THUMPD2: variants seen among roughly 807,000 people sequenced by gnomAD.
THUMPD2 encodes U6 snRNA (guanine-N(2))-methyltransferase THUMPD2.
A neutral mutation model predicts 49.4 loss-of-function variants in THUMPD2; 56 were observed. The observed-to-expected ratio is 1.13, with a 90% confidence interval of 0.91 to 1.41. The LOEUF is 1.41. Ranked by LOEUF, THUMPD2 falls within the 40% of genes most tolerant of loss-of-function variation. THUMPD2 has a pLI of 0.00. For missense variants in THUMPD2, 709 were observed against 594.5 expected, an observed-to-expected ratio of 1.19 and a Z score of -2.00; for synonymous variants, 237 against 205.2, an observed-to-expected ratio of 1.15 and a Z score of -1.32.
intron 3 of THUMPD2, chr2:39,768,895 A>T (rs1371725633): frequency 7.7e-7 from 1 of 1,299,536 alleles, no homozygotes; most frequent in Non-Finnish European, 1.0e-6. Flanking sequence ...GTATCATTAG[A>T]CTCACCCTTT....
intron 1 of THUMPD2, among the ~76,000 whole-genome samples, chr2:39,774,152 G>A (rs1478275538): frequency 1.3e-5 from 2 of 152,238 alleles, no homozygotes; most frequent in African/African-American, 2.4e-5. Context: ...CCTATGCAGG[G>A]CTAGTTCCCG....
intron 9 of THUMPD2, among the ~76,000 whole-genome samples, chr2:39,738,365 C>T (rs1376012348): frequency 2.0e-5 from 3 of 151,970 alleles, no homozygotes; most frequent in African/African-American, 7.3e-5. Flanking sequence ...GAGTTTGAGA[C>T]CAGCCTGGGC....
At chr2:39,746,118 T>G (rs1674558293) in intron 8 of THUMPD2, among the ~76,000 whole-genome samples, 1 of 152,216 alleles carries the variant, frequency 6.6e-6, no homozygotes, top group Non-Finnish European at 1.5e-5. Flanking sequence ...TTGTGGTCAT[T>G]ATTTATAATG....
chr2:39,749,655 C>T (rs1416826573), intron 8 of THUMPD2, among the ~76,000 whole-genome samples: 1 of 152,048 alleles, frequency 6.6e-6, no homozygotes, highest in Non-Finnish European at 1.5e-5. Flanking sequence ...TATGGGTTTG[C>T]TACATAATGT....
chr2:39,743,765 C>T (rs1042480967), intron 9 of THUMPD2, among the ~76,000 whole-genome samples: 4 of 152,208 alleles, frequency 2.6e-5, no homozygotes, highest in East Asian at 3.8e-4. Context: ...CAGATAGATG[C>T]TGGCACTGTG....
At chr2:39,765,709 A>G (rs1677428266) in intron 5 of THUMPD2, among the ~76,000 whole-genome samples, 1 of 152,122 alleles carries the variant, frequency 6.6e-6, no homozygotes, top group African/African-American at 2.4e-5. Flanking sequence ...CCATATAGGC[A>G]AAACTGTTCA....
Position 39,765,141 on chromosome 2 carries a change from C to T in THUMPD2, c.803+916G>A, listed in dbSNP as rs569276433. On this transcript the variant is annotated intron_variant, in intron 5 of 9. Coordinates refer to ENST00000505747, the MANE Select transcript of THUMPD2 (RefSeq NM_025264.5). The stretch of plus-strand genomic sequence containing the variant: ...ATTAATACCACACTCAGCACTGCTA[C>T]GGGTGAGATACTCTTCCTAAATTTT... 5.3e-5 allele frequency among the ~76,000 whole-genome samples: 8 copies of T among 152,128 alleles called. No homozygotes were observed. The South Asian group carries it at 1.0e-3, about 20-fold the overall frequency.
At position 39,766,005 on chromosome 2, in the gene THUMPD2, C is replaced by G. The variant is rs372655649; in HGVS notation, c.803+52G>C. 1.5e-5 allele frequency: 21 copies of G among 1,421,854 alleles called. No homozygotes were observed. The African/African-American group carries it at 3.1e-4, about 21-fold the overall frequency. The allele number at this position is 1,421,854 out of a possible 1,614,324, so 88.1% of individuals were successfully genotyped here. A position where few individuals can be genotyped will look rare whatever the true frequency, so the allele number is the denominator to read the frequency against. On this transcript the variant is annotated intron_variant, in intron 5 of 9. Coordinates refer to ENST00000505747, the MANE Select transcript of THUMPD2 (RefSeq NM_025264.5). ...ATGCTGTAAATAAAAAACACAAGTT[C>G]TTAATTTAACCATCTGTCTTATGGG...
chr2:39,749,469 T>G lies in THUMPD2; in HGVS notation c.1079-4991A>C, dbSNP rs141457780. Among the ~76,000 whole-genome samples, 25 of 152,366 alleles carry G rather than the reference T, an allele frequency of 1.6e-4. No individual in the cohort carries two copies. In the East Asian group the frequency reaches 4.6e-3, roughly 28 times the overall value. ...CACAATTGAATATGAGCAAAATAAATTTAGAATAGCCATTTGATCTAAAGG... is the reference window on the plus strand; with the variant it reads ...CACAATTGAATATGAGCAAAATAAAGTTAGAATAGCCATTTGATCTAAAGG... On this transcript the variant is annotated intron_variant, in intron 8 of 9. Transcript: ENST00000505747.
chr2:39,769,143 C>A, intron 3 of THUMPD2: 1 of 1,257,734 alleles, frequency 8.0e-7, no homozygotes, highest in Non-Finnish European at 1.0e-6. Flanking sequence ...GAAGAGAAAC[C>A]CCAAAAGCTG....
At chr2:39,742,758 G>A (rs927112158) in intron 9 of THUMPD2, among the ~76,000 whole-genome samples, 3 of 152,178 alleles carry the variant, frequency 2.0e-5, no homozygotes, top group African/African-American at 7.2e-5. Context: ...CAATGCTTGA[G>A]TCCTCCACCA....
At chr2:39,773,926 C>T (rs553216005) in intron 1 of THUMPD2, among the ~76,000 whole-genome samples, 12 of 152,312 alleles carry the variant, frequency 7.9e-5, no homozygotes, top group East Asian at 1.9e-4. Flanking sequence ...AACACTGTTT[C>T]GTTCAACATG....
rs1250677757 is a variant in THUMPD2, at chr2:39,736,715, G to A, written c.*20C>T. ...AGCTAACTTACAAGGGCCTGAACCC[G>A]GCTGATGGCAGCAAGCCTGCTACAG... On this transcript the variant is annotated 3_prime_UTR_variant, in exon 10 of 10. Transcript: ENST00000505747. The A allele has an allele frequency of 1.1e-5, 18 of 1,602,186 alleles. No individual in the cohort carries two copies. Among genetic ancestry groups the A allele is most frequent in the East Asian group, 2.2e-5 (1 of 44,524 alleles).
At chr2:39,774,515 C>A (rs1678810657) in intron 1 of THUMPD2, among the ~76,000 whole-genome samples, 2 of 152,236 alleles carry the variant, frequency 1.3e-5, no homozygotes, top group South Asian at 2.1e-4. Context: ...TGAGGACTTA[C>A]TGTAGTTTAA....
chr2:39,759,211 G>A (rs1572823803), intron 6 of THUMPD2, among the ~76,000 whole-genome samples: 1 of 151,884 alleles, frequency 6.6e-6, no homozygotes, highest in South Asian at 2.1e-4. Context: ...CTAAATAGTT[G>A]AGGCAATAAT....
chr2:39,756,048 C>T, intron 6 of THUMPD2, 88 bp from the exon 7 acceptor site: 3 of 1,231,926 alleles, frequency 2.4e-6, no homozygotes, highest in East Asian at 2.4e-5. Flanking sequence ...ATCAATATTT[C>T]AAGAGGAAAG....
intron 8 of THUMPD2, among the ~76,000 whole-genome samples, chr2:39,747,397 T>C (rs918228645): frequency 6.6e-6 from 1 of 152,202 alleles, no homozygotes; most frequent in African/African-American, 2.4e-5. Context: ...GAAATTTTGA[T>C]CTGTCATCTT....
chr2:39,775,706 T>C (rs1048689960), intron 1 of THUMPD2, among the ~76,000 whole-genome samples: 4 of 130,854 alleles, frequency 3.1e-5, no homozygotes, highest in Non-Finnish European at 4.6e-5. Context: ...GAGGTTGCAG[T>C]GAGCCAAGAT....
chr2:39,773,925 T>G (rs2148350314), intron 1 of THUMPD2, among the ~76,000 whole-genome samples: 1 of 152,338 alleles, frequency 6.6e-6, no homozygotes, highest in East Asian at 1.9e-4. Context: ...TAACACTGTT[T>G]CGTTCAACAT....
Sources: allele counts gnomAD v4.1 joint callset (sites outside exome capture counted in the v4.1 genomes callset), GRCh38; gene constraint gnomAD v4.1.1; transcripts MANE v1.5; gene names NCBI Gene and HGNC (gene_info 2026-07-23, HGNC 2026-07-21).